FAM110B: variants seen among roughly 807,000 people sequenced by gnomAD.
FAM110B encodes family with sequence similarity 110 member B.
In FAM110B, 6 loss-of-function variants were observed where a neutral mutation model predicts 20.4. The observed-to-expected ratio is 0.29, with a 90% confidence interval of 0.16 to 0.58. The LOEUF is 0.58. Among genes scored for constraint, FAM110B ranks in the 20% least tolerant of loss-of-function variants. The pLI, the probability that FAM110B is intolerant of heterozygous loss-of-function variation, is 0.90. For synonymous variants in FAM110B, 226 were observed against 214.1 expected, an observed-to-expected ratio of 1.06 and a Z score of -0.49; for missense variants, 434 against 498.2, an observed-to-expected ratio of 0.87 and a Z score of 1.23.
Position 58,103,002 on chromosome 8 carries a change from GAAAAAAAAAAAA to G in FAM110B, c.-325+27390_-325+27401del, listed in dbSNP as rs60027491. Among the ~76,000 whole-genome samples the G allele has an allele frequency of 1.3e-3, 127 of 99,294 alleles. 1 individual carries two copies. The highest frequency in any genetic ancestry group is 1.5e-3 in the Non-Finnish European group (73 of 48,436). The allele number at this position is 99,294 out of a possible 152,430, so 65.1% of individuals were successfully genotyped here. A position where few individuals can be genotyped will look rare whatever the true frequency, so the allele number is the denominator to read the frequency against. On this transcript the variant is annotated intron_variant, in intron 3 of 3. Coordinates refer to ENST00000519262, the MANE Select transcript of FAM110B (RefSeq NM_001377989.1). ...TATTATATAGTACAATGCTTGTTATGAAAAAAAAAAAAAAAAAAAAAAGGCCAATTGAATTAA... is the reference window on the plus strand; with the variant it reads ...TATTATATAGTACAATGCTTGTTATGAAAAAAAAAAGGCCAATTGAATTAA...
Position 58,145,917 on chromosome 8 carries a change from A to G in FAM110B, c.-314A>G, listed in dbSNP as rs1217240790. On this transcript the variant is annotated 5_prime_UTR_variant, in exon 4 of 4. Transcript: ENST00000519262. Reference sequence around the variant, plus strand: ...TGTTTTGTGTTTCAGCTCTGCCTGCAGTTGAACACAAAGACCTGGAGGAGA... The same window carrying G: ...TGTTTTGTGTTTCAGCTCTGCCTGCGGTTGAACACAAAGACCTGGAGGAGA... 3.9e-6 allele frequency: 1 copy of G among 257,508 alleles called. No individual in the cohort carries two copies. The highest frequency in any genetic ancestry group is 7.4e-6 in the Non-Finnish European group (1 of 135,318). The allele number at this position is 257,508 out of a possible 1,614,324, so 16.0% of individuals were successfully genotyped here.
intron 3 of FAM110B, among the ~76,000 whole-genome samples, chr8:58,133,210 T>TTG (rs1563381307): frequency 1.3e-5 from 2 of 150,892 alleles, no homozygotes; most frequent in African/African-American, 5.0e-5. Context: ...ATTTTGTTTT[T>TTG]TTTTTTTTTC....
At chr8:58,043,579 G>C (rs4510849) in intron 2 of FAM110B, among the ~76,000 whole-genome samples, 58,627 of 151,826 alleles carry the variant, frequency 0.39, 11,492 homozygotes, top group Middle Eastern at 0.49. Context: ...CACCCATTAA[G>C]TCGTCATTTA....
At chr8:58,012,364 G>T (rs1804555447) in intron 1 of FAM110B, among the ~76,000 whole-genome samples, 1 of 151,718 alleles carries the variant, frequency 6.6e-6, no homozygotes, top group Non-Finnish European at 1.5e-5. Context: ...GTAGTTGGTT[G>T]TGTTTAAACT....
chr8:58,138,250 G>A (rs981385356), intron 3 of FAM110B, among the ~76,000 whole-genome samples: 2 of 152,232 alleles, frequency 1.3e-5, no homozygotes, highest in African/African-American at 4.8e-5. Context: ...GCTAGTGGAT[G>A]CCCCCAGCCT....
At chr8:58,127,167 TC>T (rs978274893) in intron 3 of FAM110B, among the ~76,000 whole-genome samples, 2 of 152,246 alleles carry the variant, frequency 1.3e-5, no homozygotes, top group Non-Finnish European at 2.9e-5. Context: ...CAGTCCTTTT[TC>T]TTTGAATTGC....
intron 1 of FAM110B, among the ~76,000 whole-genome samples, chr8:57,998,344 C>T (rs1470851738): frequency 6.6e-6 from 1 of 152,172 alleles, no homozygotes; most frequent in Non-Finnish European, 1.5e-5. Context: ...CTTCGTTGCT[C>T]AGGTGTTCTG....
chr8:58,047,720 T>C (rs1376712014), intron 2 of FAM110B, among the ~76,000 whole-genome samples: 1 of 151,270 alleles, frequency 6.6e-6, no homozygotes, highest in Non-Finnish European at 1.5e-5. Context: ...GCATTCTATC[T>C]GTACAGTTTA....
chr8:58,117,911 G>A (rs182772915), intron 3 of FAM110B, among the ~76,000 whole-genome samples: 3 of 152,112 alleles, frequency 2.0e-5, no homozygotes, highest in Admixed American at 6.5e-5. Context: ...GAAAACTAAC[G>A]GACATTAAAT....
At position 58,005,505 on chromosome 8, in the gene FAM110B, C is replaced by T. The variant is rs534659070; in HGVS notation, c.-512+10699C>T. Among the ~76,000 whole-genome samples, 9 of 152,318 alleles carry T rather than the reference C, an allele frequency of 5.9e-5. No individual in the cohort carries two copies. The East Asian group carries it at 1.3e-3, about 23-fold the overall frequency. ...GAACTTGTTTGATGCTGAATTGCCA[C>T]AGACCTTCTATTTGTAAAAAAACAT... On this transcript the variant is annotated intron_variant, in intron 1 of 3. Coordinates refer to ENST00000519262, the MANE Select transcript of FAM110B (RefSeq NM_001377989.1).
intron 2 of FAM110B, among the ~76,000 whole-genome samples, chr8:58,075,275 T>TTTTTTTTGTGTGTGTGTGTGTGTGTGTG (rs1554521068): frequency 7.1e-6 from 1 of 141,670 alleles, no homozygotes; most frequent in African/African-American, 2.9e-5. Context: ...TTTTTTTTTT[T>TTTTTTTTGTGTGTGTGTGTGTGTGTGTG]TGTGTGTGTG....
At chr8:58,144,172 G>A (rs1803803130) in intron 3 of FAM110B, among the ~76,000 whole-genome samples, 1 of 152,090 alleles carries the variant, frequency 6.6e-6, no homozygotes, top group Non-Finnish European at 1.5e-5. Context: ...CCCTCACTGT[G>A]CCCCCAAACT....
chr8:58,117,651 C>T (rs543490924), intron 3 of FAM110B, among the ~76,000 whole-genome samples: 14 of 152,212 alleles, frequency 9.2e-5, no homozygotes, highest in African/African-American at 3.1e-4. Context: ...TAGTAATAGC[C>T]CCTGCCTCAT....
At chr8:58,062,674 T>C (rs569628022) in intron 2 of FAM110B, among the ~76,000 whole-genome samples, 2 of 152,306 alleles carry the variant, frequency 1.3e-5, no homozygotes, top group East Asian at 1.9e-4. Context: ...ATTCCCACTA[T>C]AGTGGTAACA....
chr8:58,148,477 C>T lies in FAM110B; in HGVS notation c.*1134C>T, dbSNP rs776121362. 6.0e-6 allele frequency: 1 copy of T among 167,056 alleles called. No individual in the cohort carries two copies. The highest frequency in any genetic ancestry group is 2.4e-5 in the African/African-American group (1 of 41,428). 10.3% of individuals were successfully genotyped at this position (167,056 alleles called of 1,614,324 possible). ...ATACAATGCTATGTAGCTTTTCCAC[C>T]CCATGGTCTCTAGTGCTGCCTATCA... On this transcript the variant is annotated 3_prime_UTR_variant, in exon 4 of 4. Transcript: ENST00000519262.
chr8:58,075,296 T>TGTGTGTGTGTGTGTGTG (rs1286749297), intron 2 of FAM110B, among the ~76,000 whole-genome samples: 2 of 150,562 alleles, frequency 1.3e-5, no homozygotes, highest in Non-Finnish European at 1.5e-5. Context: ...TGTGTGTGTG[T>TGTGTGTGTGTGTGTGTG]TTTGTAGATA....
At chr8:58,039,150 C>T (rs1422323497) in intron 2 of FAM110B, among the ~76,000 whole-genome samples, 1 of 152,236 alleles carries the variant, frequency 6.6e-6, no homozygotes, top group Non-Finnish European at 1.5e-5. Flanking sequence ...TCGCCGGGTG[C>T]CAGCCTGGGC....
chr8:58,081,192 G>T (rs1806182122), intron 3 of FAM110B, among the ~76,000 whole-genome samples: 1 of 152,108 alleles, frequency 6.6e-6, no homozygotes, highest in South Asian at 2.1e-4. Context: ...CCATGTAAGA[G>T]GCAGAAAATT....
chr8:58,108,542 C>T (rs58710819), intron 3 of FAM110B, among the ~76,000 whole-genome samples: 3,262 of 152,272 alleles, frequency 0.021, 124 homozygotes, highest in African/African-American at 0.074. Flanking sequence ...TGGCTTGGAT[C>T]GAGGCTGCTC....
Sources: allele counts gnomAD v4.1 joint callset (sites outside exome capture counted in the v4.1 genomes callset), GRCh38; gene constraint gnomAD v4.1.1; transcripts MANE v1.5; gene names NCBI Gene and HGNC (gene_info 2026-07-23, HGNC 2026-07-21).